The following ARSB variants were observed in gnomAD, a reference collection of about 807,000 sequenced individuals.
The protein encoded by ARSB is arylsulfatase B, also known as N-acetylgalactosamine-4-sulfatase.
A neutral mutation model predicts 50.9 loss-of-function variants in ARSB; 41 were observed. The ratio of observed to expected loss-of-function variants is 0.81; its 90% confidence interval spans 0.63 to 1.04. ARSB has a LOEUF of 1.04. ARSB is among the 50% of genes least tolerant of loss of function. The pLI is 0.00. For missense variants in ARSB, 672 were observed against 693.3 expected (o/e 0.97, Z 0.35); for synonymous variants, 269 against 284.8 (o/e 0.94, Z 0.56).
intron 5 of ARSB, among the ~76,000 whole-genome samples, chr5:78,842,765 T>G (rs976892743): frequency 1.6e-5 from 2 of 124,484 alleles, no homozygotes. Context: ...TCTGTTTTTG[T>G]TTTTGTTTTT....
intron 6 of ARSB, among the ~76,000 whole-genome samples, chr5:78,819,296 G>C (rs959322159): frequency 6.6e-6 from 1 of 152,188 alleles, no homozygotes; most frequent in East Asian, 1.9e-4. Context: ...CAGCAAGCAG[G>C]GCTGCTTCTC....
chr5:78,972,943 T>C (rs1056662884), intron 1 of ARSB, among the ~76,000 whole-genome samples: 3 of 152,210 alleles, frequency 2.0e-5, no homozygotes, highest in African/African-American at 7.2e-5. Context: ...TATGGCATTA[T>C]TGGGAAGCAG....
intron 4 of ARSB, among the ~76,000 whole-genome samples, chr5:78,904,110 A>T (rs996195843): frequency 6.6e-6 from 1 of 152,186 alleles, no homozygotes; most frequent in African/African-American, 2.4e-5. Context: ...TAATCTTTTC[A>T]GTCTGGCTTC....
chr5:78,829,364 T>C (rs1048992916), intron 6 of ARSB, among the ~76,000 whole-genome samples: 2 of 152,270 alleles, frequency 1.3e-5, no homozygotes, highest in East Asian at 1.9e-4. Context: ...GTTGAAGTAA[T>C]GGACAAATTT....
chr5:78,860,121 T>C (rs1250347919), intron 5 of ARSB, among the ~76,000 whole-genome samples: 1 of 152,210 alleles, frequency 6.6e-6, no homozygotes, highest in East Asian at 1.9e-4. Flanking sequence ...TGCAGAGTTC[T>C]GTAGATGTCT....
At chr5:78,945,953 C>G (rs1221327278) in intron 4 of ARSB, among the ~76,000 whole-genome samples, 1 of 152,196 alleles carries the variant, frequency 6.6e-6, no homozygotes, top group East Asian at 1.9e-4. Context: ...GGGCTTCATC[C>G]TAATATTCCC....
chr5:78,917,313 G>C lies in ARSB; in HGVS notation c.899-31486C>G, dbSNP rs527327567. 9.9e-5 allele frequency among the ~76,000 whole-genome samples: 15 copies of C among 152,248 alleles called. No homozygotes were observed. In the East Asian group the frequency reaches 2.9e-3, roughly 29 times the overall value. On this transcript the variant is annotated intron_variant, in intron 4 of 7. Coordinates refer to ENST00000264914, the MANE Select transcript of ARSB (RefSeq NM_000046.5). ...TAAGCTAAATGCATAAAGCACAAAG[G>C]AACGTCAACTCAAATTTTATGATTA... is the stretch of plus-strand genomic sequence containing the variant.
At position 78,873,699 on chromosome 5, in the gene ARSB, T is replaced by G. The variant is rs1368500263; in HGVS notation, c.1142+11885A>C. On this transcript the variant is annotated intron_variant, in intron 5 of 7. Transcript: ENST00000264914. ...TTTAGTAGAGACGGGGTTTCACCGT[T>G]TTAGCCGGGATGGTCTCGATCTCCT... 3.3e-5 allele frequency among the ~76,000 whole-genome samples: 5 copies of G among 151,048 alleles called. 1 individual carries two copies. The East Asian group carries it at 7.8e-4, about 24-fold the overall frequency.
intron 6 of ARSB, among the ~76,000 whole-genome samples, chr5:78,800,416 A>G (rs1227529384): frequency 6.6e-6 from 1 of 151,736 alleles, no homozygotes; most frequent in Admixed American, 6.6e-5. Flanking sequence ...TCCACCATGC[A>G]TTTTACCCAG....
intron 5 of ARSB, among the ~76,000 whole-genome samples, chr5:78,860,016 T>C (rs1479853507): frequency 6.6e-6 from 1 of 152,230 alleles, no homozygotes; most frequent in Non-Finnish European, 1.5e-5. Flanking sequence ...ACATTTAGTT[T>C]GAACTTAAAA....
intron 4 of ARSB, among the ~76,000 whole-genome samples, chr5:78,953,464 A>G (rs778729821): frequency 5.3e-5 from 8 of 152,268 alleles, no homozygotes; most frequent in Non-Finnish European, 1.2e-4. Context: ...ACTAATTCGC[A>G]TGAAACACTT....
chr5:78,920,876 T>C (rs1488714669), intron 4 of ARSB, among the ~76,000 whole-genome samples: 1 of 152,128 alleles, frequency 6.6e-6, no homozygotes, highest in Non-Finnish European at 1.5e-5. Context: ...CCACCCTCCT[T>C]TCTAACTGCT....
chr5:78,976,373 G>A (rs1418629124), intron 1 of ARSB, among the ~76,000 whole-genome samples: 2 of 133,442 alleles, frequency 1.5e-5, no homozygotes, highest in Admixed American at 1.8e-4. Context: ...TGCAAACTCT[G>A]CCTCCCCAGG....
At chr5:78,797,179 G>T (rs1042655517) in intron 6 of ARSB, among the ~76,000 whole-genome samples, 85 of 152,068 alleles carry the variant, frequency 5.6e-4, no homozygotes, top group Non-Finnish European at 5.7e-4. Context: ...CGCCCGGCAG[G>T]TCTCGATCTC....
At chr5:78,857,785 G>C (rs1217356067) in intron 5 of ARSB, among the ~76,000 whole-genome samples, 1 of 152,200 alleles carries the variant, frequency 6.6e-6, no homozygotes, top group Admixed American at 6.5e-5. Flanking sequence ...TTGCCACTTA[G>C]TGATGAAGAC....
rs1749620300 is a variant in ARSB, at chr5:78,917,658, G to A, written c.899-31831C>T. ...CTCCAGAGTAGCTCGGATTACAGTT[G>A]TGTGCCACCACACCCAGCTAATTTT... On this transcript the variant is annotated intron_variant, in intron 4 of 7. Coordinates refer to ENST00000264914, the MANE Select transcript of ARSB (RefSeq NM_000046.5). 2.0e-5 allele frequency among the ~76,000 whole-genome samples: 3 copies of A among 152,076 alleles called. No individual in the cohort carries two copies. In the South Asian group the frequency reaches 6.2e-4, roughly 32 times the overall value.
intron 6 of ARSB, among the ~76,000 whole-genome samples, chr5:78,821,766 A>G (rs1434457060): frequency 6.6e-6 from 1 of 152,238 alleles, no homozygotes; most frequent in Non-Finnish European, 1.5e-5. Flanking sequence ...CTAGAATTAA[A>G]TATGCATGAA....
At position 78,985,117 on chromosome 5, in the gene ARSB, C is replaced by T. The variant is rs749069139; in HGVS notation, c.132G>A (p.Pro44=). The change falls in exon 1 of 8, where the codon CCG becomes CCA. Residue 44 remains proline (P), a synonymous_variant. Transcript: ENST00000264914. ...CTGCCAGCAAGAAGACCAGGTGGGG[C>T]GGCCGGCTGGCCCCGGCGCCCGAGC... The part of the protein sequence containing the change: ...PPGSGAGASR[P]PHLVFLLADD... 2.7e-6 allele frequency: 4 copies of T among 1,495,016 alleles called. No individual in the cohort carries two copies. Among genetic ancestry groups the T allele is most frequent in the Non-Finnish European group, 3.6e-6 (4 of 1,120,310 alleles). The allele number at this position is 1,495,016 out of a possible 1,614,324, so 92.6% of individuals were successfully genotyped here.
At chr5:78,845,208 G>T (rs2112012949) in intron 5 of ARSB, among the ~76,000 whole-genome samples, 1 of 152,158 alleles carries the variant, frequency 6.6e-6, no homozygotes, top group East Asian at 1.9e-4. Flanking sequence ...TGAATGACAG[G>T]ATTTCATTTT....
Sources: allele counts gnomAD v4.1 joint callset (sites outside exome capture counted in the v4.1 genomes callset), GRCh38; gene constraint gnomAD v4.1.1; transcripts MANE v1.5; gene names NCBI Gene and HGNC (gene_info 2026-07-23, HGNC 2026-07-21).